Variants in FAM13B observed in about 807,000 individuals in gnomAD.
The protein encoded by FAM13B is family with sequence similarity 13 member B, also known as protein FAM13B.
Under a neutral mutation model 117.3 loss-of-function variants are expected in FAM13B, and 60 were observed. The observed-to-expected ratio is 0.51, with a 90% CI of 0.42 to 0.63. The LOEUF (loss-of-function observed/expected upper bound fraction) is 0.63. Ranked by LOEUF, FAM13B falls within the 30% of genes least tolerant of loss-of-function variation. FAM13B has a pLI of 0.00. For missense variants in FAM13B, 972 were observed against 1,091.9 expected (o/e 0.89, Z 1.55); for synonymous variants, 332 against 356.1 (o/e 0.93, Z 0.76).
chr5:138,036,066 T>C, upstream of FAM13B: 1 of 289,836 alleles, frequency 3.5e-6, no homozygotes, highest in South Asian at 3.3e-5. Context: ...GAGATGACTC[T>C]CACACTCGTC....
intron 17 of FAM13B, among the ~76,000 whole-genome samples, 193 bp from the exon 18 acceptor site, chr5:137,949,377 C>A (rs985681677): frequency 1.3e-5 from 2 of 152,210 alleles, no homozygotes; most frequent in Non-Finnish European, 1.5e-5. Flanking sequence ...GTGGCTCACA[C>A]CTGTAATCCC....
chr5:138,012,027 C>A, intron 4 of FAM13B, 82 bp from the exon 5 acceptor site: 2 of 897,542 alleles, frequency 2.2e-6, no homozygotes, highest in Non-Finnish European at 3.4e-6. Context: ...ATTACTCCAC[C>A]CACATCACCT....
rs145985897 is a variant in FAM13B, at chr5:138,012,730, C to T, written c.371-785G>A. Among the ~76,000 whole-genome samples the T allele has an allele frequency of 1.3e-3, 200 of 152,280 alleles. 1 individual carries two copies. The highest frequency in any genetic ancestry group is 4.5e-3 in the African/African-American group (189 of 41,560). ...CGAAATGAAGTGATTTATTGTGCTA[C>T]ATGAGTAAAAATCAATTAAATTATG... is the stretch of plus-strand genomic sequence containing the variant. On this transcript the variant is annotated intron_variant, in intron 4 of 23. Transcript: ENST00000689681.
intron 9 of FAM13B, among the ~76,000 whole-genome samples, chr5:137,986,505 C>T (rs1212687906): frequency 1.3e-5 from 2 of 150,506 alleles, no homozygotes; most frequent in African/African-American, 4.9e-5. Context: ...CACAGGTATC[C>T]TGAAATACAG....
At chr5:137,968,150 A>G (rs1003681348) in intron 10 of FAM13B, among the ~76,000 whole-genome samples, 1 of 148,642 alleles carries the variant, frequency 6.7e-6, no homozygotes, top group African/African-American at 2.5e-5. Context: ...TGAACCCGGG[A>G]GGCAGAGGTT....
intron 20 of FAM13B, among the ~76,000 whole-genome samples, chr5:137,943,698 T>C (rs1424792163): frequency 6.6e-6 from 1 of 152,130 alleles, no homozygotes; most frequent in South Asian, 2.1e-4. Context: ...GTGAGCCAAG[T>C]TGTACCACCA....
chr5:138,004,962 G>A (rs755144071), intron 7 of FAM13B, among the ~76,000 whole-genome samples: 5 of 152,190 alleles, frequency 3.3e-5, no homozygotes, highest in Non-Finnish European at 7.3e-5. Context: ...TAGAGGCCGG[G>A]TGCAGTGGCT....
rs1048805694 is a variant in FAM13B, at chr5:137,938,652, C to T, written c.*1573G>A. On this transcript the variant is annotated 3_prime_UTR_variant, in exon 24 of 24. Transcript: ENST00000689681. The stretch of plus-strand genomic sequence containing the variant: ...CACTACCAGGTTTTCCCTCACCCCC[C>T]ACCCCCCAGAAAAAGGCATTGCACA... 1 of 152,550 alleles carries T rather than the reference C, an allele frequency of 6.6e-6. No homozygotes were observed. The highest frequency in any genetic ancestry group is 1.9e-4 in the East Asian group (1 of 5,166). 9.4% of individuals were successfully genotyped at this position (152,550 alleles called of 1,614,324 possible). A position where few individuals can be genotyped will look rare whatever the true frequency, so the allele number is the denominator to read the frequency against.
intron 1 of FAM13B, among the ~76,000 whole-genome samples, chr5:138,031,138 G>A (rs185916111): frequency 6.6e-6 from 1 of 152,258 alleles, no homozygotes; most frequent in African/African-American, 2.4e-5. Flanking sequence ...ATTCATAACT[G>A]ATTATAAAAG....
intron 14 of FAM13B, among the ~76,000 whole-genome samples, chr5:137,955,758 A>G (rs1766341120): frequency 6.6e-6 from 1 of 152,074 alleles, no homozygotes; most frequent in Non-Finnish European, 1.5e-5. Context: ...CAGCCTCCCA[A>G]GGAGCTGGTG....
chr5:138,032,492 G>A (rs1358716443), intron 1 of FAM13B, among the ~76,000 whole-genome samples: 1 of 152,234 alleles, frequency 6.6e-6, no homozygotes, highest in African/African-American at 2.4e-5. Flanking sequence ...CTACTCTGGA[G>A]GGGCTGGAGG....
intron 10 of FAM13B, among the ~76,000 whole-genome samples, chr5:137,968,149 G>A (rs1284608855): frequency 1.3e-5 from 2 of 149,960 alleles, no homozygotes; most frequent in Non-Finnish European, 2.9e-5. Flanking sequence ...TTGAACCCGG[G>A]AGGCAGAGGT....
intron 6 of FAM13B, among the ~76,000 whole-genome samples, chr5:138,009,888 C>CA (rs1294153818): frequency 1.3e-5 from 2 of 150,220 alleles, no homozygotes; most frequent in Non-Finnish European, 3.0e-5. Context: ...AGCAAAATAT[C>CA]AAAAAAAATT....
At chr5:137,975,667 G>A (rs987991659) in intron 10 of FAM13B, among the ~76,000 whole-genome samples, 3 of 151,196 alleles carry the variant, frequency 2.0e-5, no homozygotes, top group South Asian at 2.1e-4. Flanking sequence ...AACACCTCTC[G>A]CTTAAAAAAA....
chr5:138,017,818 T>C (rs1003800527), intron 4 of FAM13B, among the ~76,000 whole-genome samples: 1 of 152,226 alleles, frequency 6.6e-6, no homozygotes, highest in African/African-American at 2.4e-5. Flanking sequence ...TTCATTTCCT[T>C]TAGCTAAGTG....
rs555043996 is a variant in FAM13B at position 137,988,431 on chromosome 5, G to A, written c.849-116C>T. ...ACACAACCAGGAGAGCACATACTAA[G>A]TGTTGTATTCTTGTTTACATATCAA... On this transcript the variant is annotated intron_variant, in intron 7 of 23. Coordinates refer to ENST00000689681, the MANE Select transcript of FAM13B (RefSeq NM_001385994.1). 4.6e-5 allele frequency: 33 copies of A among 713,812 alleles called. No individual in the cohort carries two copies. The South Asian group carries it at 5.8e-4, about 13-fold the overall frequency. 44.2% of individuals were successfully genotyped at this position (713,812 alleles called of 1,614,324 possible).
At chr5:138,036,519 T>C (rs1417853367), upstream of FAM13B, 1 of 456,708 alleles carries the variant, frequency 2.2e-6, no homozygotes, top group Admixed American at 2.3e-5. Flanking sequence ...TCTGAGCAGA[T>C]CCATTGAAGG....
At chr5:138,018,566 C>A in intron 3 of FAM13B, 52 bp from the exon 4 acceptor site, 1 of 1,481,398 alleles carries the variant, frequency 6.8e-7, no homozygotes, top group Non-Finnish European at 9.4e-7. Flanking sequence ...AACTGCTTGA[C>A]CATATATATT....
chr5:137,978,703 T>C (rs143136738), intron 10 of FAM13B, among the ~76,000 whole-genome samples: 1,583 of 152,296 alleles, frequency 0.01, 23 homozygotes, highest in Non-Finnish European at 0.013. Context: ...GGCTGCTTTT[T>C]TTCCTCCAAA....
Sources: gnomAD v4.1 joint callset for allele counts (sites outside exome capture counted in the v4.1 genomes callset) on GRCh38, gnomAD v4.1.1 for gene constraint, MANE v1.5 for transcripts, NCBI Gene and HGNC (gene_info 2026-07-23, HGNC 2026-07-21) for gene names.